TSNARE1: variants seen among roughly 807,000 people sequenced by gnomAD.
TSNARE1 encodes the protein t-SNARE domain-containing protein 1.
A neutral mutation model predicts 62.0 loss-of-function variants in TSNARE1; 49 were observed. That is an observed-to-expected ratio of 0.79 (90% CI 0.63 to 1.00). The LOEUF (loss-of-function observed/expected upper bound fraction) is 1.00. TSNARE1 is among the 50% of genes least tolerant of loss of function. TSNARE1 has a pLI of 0.00. For missense variants in TSNARE1, 755 were observed against 700.1 expected (o/e 1.08, Z -0.88); for synonymous variants, 328 against 294.4 (o/e 1.11, Z -1.17).
intron 1 of TSNARE1, among the ~76,000 whole-genome samples, chr8:142,377,434 C>T (rs139953638): frequency 6.6e-6 from 1 of 152,002 alleles, no homozygotes; most frequent in Non-Finnish European, 1.5e-5. Context: ...ATATTTGCAA[C>T]AAACATGACA....
At chr8:142,268,930 AG>A (rs1230225047) in intron 12 of TSNARE1, among the ~76,000 whole-genome samples, 5 of 152,258 alleles carry the variant, frequency 3.3e-5, no homozygotes, top group African/African-American at 1.2e-4. Context: ...ATCTACTCTA[AG>A]ACACCCTATT....
At chr8:142,345,924 C>T (rs1464911442) in intron 2 of TSNARE1, 32 bp from the exon 3 acceptor site, 1 of 1,600,714 alleles carries the variant, frequency 6.2e-7, no homozygotes, top group East Asian at 2.3e-5. Flanking sequence ...CACGATTACT[C>T]TCAGCTCAGG....
At position 142,244,354 on chromosome 8, in the gene TSNARE1, T is replaced by C. The variant is rs74449034; in HGVS notation, c.1447-14775A>G. On this transcript the variant is annotated intron_variant, in intron 12 of 13. Coordinates refer to ENST00000524325, the MANE Select transcript of TSNARE1 (RefSeq NM_145003.5). ...AGCCACATCCAATTAGAAAATGTGG[T>C]TTTAAAATGAGACATCATTTATAGA... 1.8e-4 allele frequency among the ~76,000 whole-genome samples: 27 copies of C among 152,204 alleles called. 1 individual carries two copies. In the East Asian group the frequency reaches 5.2e-3, roughly 29 times the overall value.
Position 142,284,418 on chromosome 8 carries a change from G to GCTT in TSNARE1, c.1355_1357dup (p.Glu452dup), listed in dbSNP as rs768749097. ...AGGCTGGGGCGGGTACCCACCAACAGCTTCTCCTTGCTCTGACACCATGGA... is the reference window on the plus strand; with the variant it reads ...AGGCTGGGGCGGGTACCCACCAACAGCTTCTTCTCCTTGCTCTGACACCATGGA... On this transcript the variant is annotated inframe_insertion, in exon 11 of 14. Coordinates refer to ENST00000524325, the MANE Select transcript of TSNARE1 (RefSeq NM_145003.5). 6.2e-7 allele frequency: 1 copy of GCTT among 1,612,930 alleles called. No homozygotes were observed. The highest frequency in any genetic ancestry group is 1.7e-5 in the Admixed American group (1 of 60,002).
intron 13 of TSNARE1, among the ~76,000 whole-genome samples, chr8:142,222,723 CT>C (rs1816433167): frequency 3.9e-5 from 4 of 103,582 alleles, no homozygotes; most frequent in Non-Finnish European, 6.1e-5. Flanking sequence ...CATCCACTCA[CT>C]CACTCATCCA....
At chr8:142,252,954 C>T (rs1345284201) in intron 12 of TSNARE1, among the ~76,000 whole-genome samples, 2 of 152,256 alleles carry the variant, frequency 1.3e-5, no homozygotes, top group Non-Finnish European at 2.9e-5. Context: ...TGCGTCCACT[C>T]CGGCCCAGGT....
At chr8:142,289,758 C>CCGGGAGGCCGG (rs1823433022) in intron 10 of TSNARE1, among the ~76,000 whole-genome samples, 1 of 152,234 alleles carries the variant, frequency 6.6e-6, no homozygotes, top group Non-Finnish European at 1.5e-5. Flanking sequence ...TGGGAGGCCG[C>CCGGGAGGCCGG]CGGGACTTAC....
intron 1 of TSNARE1, among the ~76,000 whole-genome samples, chr8:142,396,659 G>A (rs1837917875): frequency 6.6e-6 from 1 of 152,216 alleles, no homozygotes; most frequent in Admixed American, 6.5e-5. Context: ...GCAGAACGGT[G>A]AGCAATGCCT....
chr8:142,304,621 A>G (rs1411730781), intron 9 of TSNARE1, among the ~76,000 whole-genome samples: 6 of 152,204 alleles, frequency 3.9e-5, no homozygotes, highest in Admixed American at 3.9e-4. Flanking sequence ...GAGGGTCCTC[A>G]GCTTCCCTGA....
chr8:142,254,518 C>T (rs894924000), intron 12 of TSNARE1, among the ~76,000 whole-genome samples: 1 of 152,334 alleles, frequency 6.6e-6, no homozygotes, highest in East Asian at 1.9e-4. Flanking sequence ...AGGGGATCCC[C>T]GTGGGACCCA....
intron 12 of TSNARE1, among the ~76,000 whole-genome samples, chr8:142,249,240 CG>C (rs994573138): frequency 6.6e-6 from 1 of 152,210 alleles, no homozygotes; most frequent in Non-Finnish European, 1.5e-5. Flanking sequence ...GTCATCCGGA[CG>C]GGGTGAGGGC....
At chr8:142,355,844 G>A (rs926447763) in intron 1 of TSNARE1, among the ~76,000 whole-genome samples, 3 of 152,112 alleles carry the variant, frequency 2.0e-5, no homozygotes, top group South Asian at 2.1e-4. Flanking sequence ...GTGACCCCAC[G>A]TTCCCTCTGA....
chr8:142,323,343 C>A (rs1487027389), intron 6 of TSNARE1, among the ~76,000 whole-genome samples: 1 of 152,196 alleles, frequency 6.6e-6, no homozygotes, highest in African/African-American at 2.4e-5. Context: ...GCATGGCTGG[C>A]TGAACACTGT....
intron 9 of TSNARE1, among the ~76,000 whole-genome samples, chr8:142,304,317 G>A (rs1826297115): frequency 6.6e-6 from 1 of 152,202 alleles, no homozygotes; most frequent in Non-Finnish European, 1.5e-5. Flanking sequence ...GGCTTCCGGG[G>A]CTCTTGCAGA....
At chr8:142,219,093 G>A (rs1179467852) in intron 13 of TSNARE1, among the ~76,000 whole-genome samples, 1 of 152,098 alleles carries the variant, frequency 6.6e-6, no homozygotes, top group African/African-American at 2.4e-5. Flanking sequence ...TCCCTGTCAG[G>A]GCTGGCTGAA....
Position 142,256,711 on chromosome 8 carries a change from G to A in TSNARE1, c.1446+18070C>T, listed in dbSNP as rs969753883. 3.0e-4 allele frequency among the ~76,000 whole-genome samples: 46 copies of A among 152,018 alleles called. 1 individual carries two copies. Among genetic ancestry groups the A allele is most frequent in the Admixed American group, 2.5e-3 (38 of 15,276 alleles). ...CTGGTATTATATTTTACAGGAGAGC[G>A]CAATGAGGAGCAGAGATTAAGCAAT... On this transcript the variant is annotated intron_variant, in intron 12 of 13. Coordinates refer to ENST00000524325, the MANE Select transcript of TSNARE1 (RefSeq NM_145003.5).
chr8:142,305,796 C>A (rs954045438), intron 9 of TSNARE1, among the ~76,000 whole-genome samples: 4 of 152,214 alleles, frequency 2.6e-5, no homozygotes, highest in African/African-American at 9.6e-5. Flanking sequence ...AAGAGGCAGA[C>A]AGACAAAGGC....
chr8:142,310,729 TTC>T (rs1491159632), intron 9 of TSNARE1, among the ~76,000 whole-genome samples: 2 of 152,240 alleles, frequency 1.3e-5, no homozygotes, highest in Non-Finnish European at 2.9e-5. Flanking sequence ...TGTGACTTTT[TTC>T]TCTGACTTTA....
rs550787441 is a variant in TSNARE1 at position 142,392,770 on chromosome 8, G to A, written c.-40+10334C>T. Among the ~76,000 whole-genome samples the A allele has an allele frequency of 3.9e-4, 59 of 152,048 alleles. 1 individual carries two copies. Among genetic ancestry groups the A allele is most frequent in the Non-Finnish European group, 5.7e-4 (39 of 67,980 alleles). On this transcript the variant is annotated intron_variant, in intron 1 of 13. Coordinates refer to ENST00000524325, the MANE Select transcript of TSNARE1 (RefSeq NM_145003.5). Reference sequence around the variant, plus strand: ...ACGCGGGCCAACATGGCGAAACCCCGTCTCTACTAAAAATACAAAATTAGC... The same window carrying A: ...ACGCGGGCCAACATGGCGAAACCCCATCTCTACTAAAAATACAAAATTAGC...
Sources: gnomAD v4.1 joint callset for allele counts (sites outside exome capture counted in the v4.1 genomes callset) on GRCh38, gnomAD v4.1.1 for gene constraint, MANE v1.5 for transcripts, NCBI Gene and HGNC (gene_info 2026-07-23, HGNC 2026-07-21) for gene names.